Variants in VAV1 observed in about 807,000 individuals in gnomAD.
VAV1 encodes proto-oncogene vav.
VAV1 carries 33 observed loss-of-function variants against 128.1 expected under a neutral mutation model. That is an observed-to-expected ratio of 0.26 (90% CI 0.20 to 0.34). The LOEUF (loss-of-function observed/expected upper bound fraction) is 0.34, where lower values mean the gene tolerates loss of function less well. Ranked by LOEUF, VAV1 falls within the 10% of genes least tolerant of loss-of-function variation. The pLI is 1.00. For synonymous variants in VAV1, 394 were observed against 409.8 expected (o/e 0.96, Z 0.47); for missense variants, 715 against 1,093.7 (o/e 0.65, Z 4.88).
chr19:6,811,150 C>G (rs1327407224), intron 1 of VAV1, among the ~76,000 whole-genome samples: 1 of 152,152 alleles, frequency 6.6e-6, no homozygotes, highest in Non-Finnish European at 1.5e-5. Flanking sequence ...ATCCTCCTGC[C>G]TCAGCTTCTC....
chr19:6,857,108 G>A lies in VAV1; in HGVS notation c.*1G>A, dbSNP rs1972822401. On this transcript the variant is annotated 3_prime_UTR_variant, in exon 27 of 27. Transcript: ENST00000602142. ...GGAAGATTATTCTGAATACTGCTGAGCCCTGGTGCCTTGGCAGAGAGACGA... is the reference window on the plus strand; with the variant it reads ...GGAAGATTATTCTGAATACTGCTGAACCCTGGTGCCTTGGCAGAGAGACGA... 6.2e-7 allele frequency: 1 copy of A among 1,614,094 alleles called. No individual in the cohort carries two copies. Among genetic ancestry groups the A allele is most frequent in the Non-Finnish European group, 8.5e-7 (1 of 1,179,996 alleles).
In VAV1 at chr19:6,805,917, T is replaced by C. The variant is rs140191117; in HGVS notation, c.205-14785T>C. On this transcript the variant is annotated intron_variant, in intron 1 of 26. Transcript: ENST00000602142. ...GCCCTGATGGAAGTGTCTTGGATGC[T>C]AAAGGGGTTTATGGGCTGATTCCCT... Among the ~76,000 whole-genome samples the C allele has an allele frequency of 7.8e-4, 119 of 152,184 alleles. 1 individual carries two copies. Among genetic ancestry groups the C allele is most frequent in the African/African-American group, 2.8e-3 (117 of 41,516 alleles).
At chr19:6,773,638 G>A (rs966324350) in intron 1 of VAV1, among the ~76,000 whole-genome samples, 1 of 152,196 alleles carries the variant, frequency 6.6e-6, no homozygotes. Flanking sequence ...GGCTCAGAGA[G>A]TGGGTCCTGA....
At chr19:6,841,816 A>G (rs1972385068) in intron 21 of VAV1, among the ~76,000 whole-genome samples, 1 of 152,014 alleles carries the variant, frequency 6.6e-6, no homozygotes, top group Admixed American at 6.6e-5. Flanking sequence ...TCCCACCAAC[A>G]GTGCACAAGG....
At position 6,820,621 on chromosome 19, in the gene VAV1, C is replaced by A; in HGVS notation, c.205-81C>A. On this transcript the variant is annotated intron_variant, in intron 1 of 26. Coordinates refer to ENST00000602142, the MANE Select transcript of VAV1 (RefSeq NM_005428.4). This position sits in a 1 kb window ranked among gnomAD's most constrained non-coding sequence, Gnocchi z 4.4. ...GCTTTCATTTCCCCTCCACACCAGT[C>A]CCCAAGCTAGGTGGCCTGGGGGTCA... 1 of 1,114,366 alleles carries A rather than the reference C, an allele frequency of 9.0e-7. No individual in the cohort carries two copies. The highest frequency in any genetic ancestry group is 1.4e-6 in the Non-Finnish European group (1 of 730,558). The allele number at this position is 1,114,366 out of a possible 1,614,324, so 69.0% of individuals were successfully genotyped here.
chr19:6,843,480 TTTTG>T lies in VAV1; in HGVS notation c.2012+330_2012+333del, dbSNP rs1168084306. Among the ~76,000 whole-genome samples the T allele has an allele frequency of 3.3e-5, 5 of 152,206 alleles. No individual in the cohort carries two copies. In the East Asian group the frequency reaches 5.8e-4, roughly 18 times the overall value. ...CCAGTTGTTTTTGTAGGATTTTTTG[TTTTG>T]TTTGTTTGTTTGTTTTGCACCTATA... On this transcript the variant is annotated intron_variant, in intron 22 of 26. Coordinates refer to ENST00000602142, the MANE Select transcript of VAV1 (RefSeq NM_005428.4).
chr19:6,793,466 T>C (rs775043505), intron 1 of VAV1, among the ~76,000 whole-genome samples: 4 of 152,092 alleles, frequency 2.6e-5, no homozygotes, highest in Non-Finnish European at 5.9e-5. Context: ...GGGGAGCTTA[T>C]GGAGAGAAGA....
At chr19:6,829,408 G>T (rs1972003141) in intron 13 of VAV1, among the ~76,000 whole-genome samples, 1 of 152,044 alleles carries the variant, frequency 6.6e-6, no homozygotes, top group Non-Finnish European at 1.5e-5. Flanking sequence ...CAGATCTGGG[G>T]TGGAGCCTGG....
chr19:6,820,218 T>C lies in VAV1; in HGVS notation c.205-484T>C, dbSNP rs113589305. Among the ~76,000 whole-genome samples, 16 of 152,086 alleles carry C rather than the reference T, an allele frequency of 1.1e-4. No homozygotes were observed. Among genetic ancestry groups the C allele is most frequent in the African/African-American group, 3.9e-4 (16 of 41,500 alleles). ...ACTGAAGTCCTAGCTACCTGGGAGG[T>C]GGAGGCAGGAGGCATGGTTTTTTGT... On this transcript the variant is annotated intron_variant, in intron 1 of 26. Transcript: ENST00000602142. The surrounding 1 kb of genome is among the most constrained non-coding windows in gnomAD (Gnocchi z 4.4).
intron 24 of VAV1, among the ~76,000 whole-genome samples, chr19:6,852,438 T>C (rs1972690196): frequency 6.6e-6 from 1 of 151,992 alleles, no homozygotes; most frequent in South Asian, 2.1e-4. Context: ...GAACCTGTTT[T>C]TGGCCGGGCA....
At chr19:6,803,766 T>C (rs931868670) in intron 1 of VAV1, among the ~76,000 whole-genome samples, 1 of 152,120 alleles carries the variant, frequency 6.6e-6, no homozygotes, top group African/African-American at 2.4e-5. Context: ...GATTTCACCA[T>C]GTTGGCCAGG....
chr19:6,850,656 C>A lies in VAV1; in HGVS notation c.2130-14C>A. The A allele has an allele frequency of 6.2e-7, 1 of 1,613,476 alleles. No homozygotes were observed. The highest frequency in any genetic ancestry group is 1.1e-5 in the South Asian group (1 of 91,030). On this transcript the variant is annotated splice_polypyrimidine_tract_variant and intron_variant, in intron 23 of 26. Transcript: ENST00000602142. ...GGTCCCCAGACTCAGGGCCCGGTGA[C>A]CATCTGGTTCCAGATATAACGTCGA... is the stretch of plus-strand genomic sequence containing the variant.
chr19:6,794,250 G>A (rs928578132), intron 1 of VAV1, among the ~76,000 whole-genome samples: 1 of 152,058 alleles, frequency 6.6e-6, no homozygotes, highest in Admixed American at 6.6e-5. Flanking sequence ...AAATCATTTG[G>A]GACAAAGAAG....
At position 6,777,117 on chromosome 19, in the gene VAV1, C is replaced by A. The variant is rs920897185; in HGVS notation, c.204+4106C>A. 2.6e-5 allele frequency among the ~76,000 whole-genome samples: 4 copies of A among 151,942 alleles called. No individual in the cohort carries two copies. Among genetic ancestry groups the A allele is most frequent in the Non-Finnish European group, 5.9e-5 (4 of 67,968 alleles). The stretch of plus-strand genomic sequence containing the variant: ...CCATCCATCCATCTACTCATCCATC[C>A]ATCCATCCATCCATCCACCCATCCC... On this transcript the variant is annotated intron_variant, in intron 1 of 26. Coordinates refer to ENST00000602142, the MANE Select transcript of VAV1 (RefSeq NM_005428.4). The surrounding 1 kb of genome is among the most constrained non-coding windows in gnomAD (Gnocchi z 4.4).
rs550181298 is a variant in VAV1, at chr19:6,815,141, T to TTTTA, written c.205-5541_205-5538dup. Reference sequence around the variant, plus strand: ...ATATTTATTCTACAGTTGCTTCTTCTTTTATTTATTTATTTATTTATTTTG... The same window carrying TTTTA: ...ATATTTATTCTACAGTTGCTTCTTCTTTTATTTATTTATTTATTTATTTATTTTG... On this transcript the variant is annotated intron_variant, in intron 1 of 26. Transcript: ENST00000602142. Among the ~76,000 whole-genome samples the TTTTA allele has an allele frequency of 2.2e-3, 331 of 152,146 alleles. 2 individuals are homozygous for TTTTA. The highest frequency in any genetic ancestry group is 6.9e-3 in the African/African-American group (287 of 41,498).
chr19:6,783,559 G>A (rs1218774489), intron 1 of VAV1, among the ~76,000 whole-genome samples: 2 of 144,520 alleles, frequency 1.4e-5, no homozygotes, highest in African/African-American at 5.2e-5. Context: ...AGTGCATCAC[G>A]GCAACCTCCG....
chr19:6,805,906 G>A (rs968634725), intron 1 of VAV1, among the ~76,000 whole-genome samples: 1 of 152,054 alleles, frequency 6.6e-6, no homozygotes, highest in African/African-American at 2.4e-5. Flanking sequence ...TGATGGAAGT[G>A]TCTTGGATGC....
intron 1 of VAV1, among the ~76,000 whole-genome samples, chr19:6,802,819 C>G (rs541083328): frequency 2.1e-4 from 32 of 152,278 alleles, no homozygotes; most frequent in African/African-American, 7.7e-4. Flanking sequence ...GCAGTATCCC[C>G]TCTCTGAGCC....
chr19:6,795,589 C>T (rs980092853), intron 1 of VAV1, among the ~76,000 whole-genome samples: 1 of 152,060 alleles, frequency 6.6e-6, no homozygotes, highest in South Asian at 2.1e-4. Context: ...ACTGATGATA[C>T]GTAACGGTTT....
Sources: allele counts gnomAD v4.1 joint callset (sites outside exome capture counted in the v4.1 genomes callset), GRCh38; gene constraint gnomAD v4.1.1; non-coding constraint Gnocchi (gnomAD v3.1); transcripts MANE v1.5; gene names NCBI Gene and HGNC (gene_info 2026-07-23, HGNC 2026-07-21).